The following SI variants were observed in gnomAD, a reference collection of about 807,000 sequenced individuals.
The protein encoded by SI is sucrase-isomaltase, also known as sucrase-isomaltase, intestinal.
Under a neutral mutation model 253.3 loss-of-function variants are expected in SI, and 235 were observed. The observed-to-expected ratio is 0.93, with a 90% CI of 0.83 to 1.03. The LOEUF (loss-of-function observed/expected upper bound fraction) is 1.03, where lower values mean the gene tolerates loss of function less well. Ranked by LOEUF, SI falls within the 50% of genes least tolerant of loss-of-function variation. The probability of loss-of-function intolerance (pLI) is 0.00; values close to 1 mark genes in which losing one functional copy is unlikely to be tolerated. For missense variants in SI, 2,442 were observed against 2,211.1 expected, an observed-to-expected ratio of 1.10 and a Z score of -2.09; for synonymous variants, 819 against 712.0, an observed-to-expected ratio of 1.15 and a Z score of -2.39.
chr3:165,076,311 A>G (rs995447523), intron 1 of SI, among the ~76,000 whole-genome samples: 9 of 151,876 alleles, frequency 5.9e-5, no homozygotes, highest in Middle Eastern at 3.4e-3. Flanking sequence ...ATACAGATGG[A>G]AAAAAAGATC....
Position 165,041,092 on chromosome 3 carries a change from A to C in SI, c.2007T>G (p.His669Gln). The C allele has an allele frequency of 6.2e-7, 1 of 1,612,366 alleles. No homozygotes were observed. The highest frequency in any genetic ancestry group is 8.5e-7 in the Non-Finnish European group (1 of 1,178,870). ...SRNHNSDGYE[H>Q]QDPAFFGQNS... is the part of the protein sequence containing the mutation. ...TCTGCCCAAAAAATGCAGGATCCTG[A>C]TGCTGTGAGATAGAAAGAGAAATTA... Residue 669 changes from histidine (H) to glutamine (Q), a missense_variant and splice_region_variant, in exon 18 of 48, where the codon CAT (histidine) becomes CAG (glutamine). Coordinates refer to ENST00000264382, the MANE Select transcript of SI (RefSeq NM_001041.4).
At chr3:165,042,040 C>T (rs2108220743) in intron 17 of SI, among the ~76,000 whole-genome samples, 1 of 152,170 alleles carries the variant, frequency 6.6e-6, no homozygotes, top group East Asian at 1.9e-4. Context: ...CAAGTTCAGA[C>T]CTGAACGGTG....
At chr3:165,082,489 G>A (rs1300329340), upstream of SI, among the ~76,000 whole-genome samples, 3 of 151,944 alleles carry the variant, frequency 2.0e-5, no homozygotes, top group Admixed American at 6.6e-5. Flanking sequence ...CCTGGAGGCG[G>A]AGAACCAAAT....
chr3:165,006,275 A>AT (rs1438042331), intron 37 of SI, among the ~76,000 whole-genome samples: 1 of 151,846 alleles, frequency 6.6e-6, no homozygotes, highest in African/African-American at 2.4e-5. Flanking sequence ...CTCCTGGCTA[A>AT]TTTTTTGTAT....
Position 165,049,926 on chromosome 3 carries a change from T to C in SI, c.1513-51A>G, listed in dbSNP as rs748254951. 1.6e-5 allele frequency: 18 copies of C among 1,130,100 alleles called. No homozygotes were observed. The South Asian group carries it at 2.2e-4, about 14-fold the overall frequency. 70.0% of individuals were successfully genotyped at this position (1,130,100 alleles called of 1,614,324 possible). On this transcript the variant is annotated intron_variant, in intron 13 of 47. Coordinates refer to ENST00000264382, the MANE Select transcript of SI (RefSeq NM_001041.4). Reference sequence around the variant, plus strand: ...GCAGATTTTACATAATTATAAATCCTATTAGCAGAAACTCTCTAGTTGTTT... The same window carrying C: ...GCAGATTTTACATAATTATAAATCCCATTAGCAGAAACTCTCTAGTTGTTT...
At chr3:164,999,386 T>C (rs1428458428) in intron 37 of SI, among the ~76,000 whole-genome samples, 1 of 151,790 alleles carries the variant, frequency 6.6e-6, no homozygotes, top group Non-Finnish European at 1.5e-5. Context: ...TCCCTTTCTT[T>C]TCCCTCTGCC....
chr3:165,068,878 T>C, intron 4 of SI, 47 bp from the exon 5 acceptor site: 2 of 1,210,132 alleles, frequency 1.7e-6, no homozygotes, highest in Admixed American at 1.7e-5. Context: ...ATTTATAATG[T>C]TAACAATTAT....
chr3:164,987,581 T>C (rs968312563), intron 44 of SI, among the ~76,000 whole-genome samples: 1 of 152,036 alleles, frequency 6.6e-6, no homozygotes, highest in Admixed American at 6.6e-5. Context: ...TGGTGGCAGA[T>C]ACCTGTAGTC....
intron 9 of SI, 53 bp from the exon 10 acceptor site, chr3:165,060,080 AT>A (rs1713913400): frequency 6.6e-7 from 1 of 1,510,516 alleles, no homozygotes; most frequent in African/African-American, 1.4e-5. Flanking sequence ...TATATTTAGC[AT>A]TAATAACCAA....
At chr3:165,046,757 C>T (rs1713135401) in intron 16 of SI, 84 bp downstream of exon 16, 1 of 1,164,718 alleles carries the variant, frequency 8.6e-7, no homozygotes, top group African/African-American at 1.6e-5. Flanking sequence ...GCCTTTTGAT[C>T]ATTTTACTAA....
chr3:164,998,594 G>A lies in SI; in HGVS notation c.4486C>T (p.His1496Tyr), dbSNP rs1375044185. 6.2e-7 allele frequency: 1 copy of A among 1,612,138 alleles called. No homozygotes were observed. Among genetic ancestry groups the A allele is most frequent in the Non-Finnish European group, 8.5e-7 (1 of 1,178,624 alleles). ...TYPTSGRWGG[H>Y]WLGDNYARWD... is the part of the protein sequence containing the mutation. ...CGTGCATAGTTGTCTCCAAGCCAGT[G>A]TCCTCCCCATCGTCCACTAGTAGGA... is the stretch of plus-strand genomic sequence containing the variant. Residue 1496 changes from histidine to tyrosine, a missense_variant, in exon 38 of 48, where the codon CAC (histidine) becomes TAC (tyrosine). Physicochemically the swap from His to Tyr is moderately conservative, Grantham distance 83. Coordinates refer to ENST00000264382, the MANE Select transcript of SI (RefSeq NM_001041.4).
intron 21 of SI, among the ~76,000 whole-genome samples, chr3:165,036,706 G>A (rs1052776242): frequency 4.6e-5 from 7 of 151,718 alleles, no homozygotes; most frequent in Admixed American, 1.3e-4. Context: ...AAGAATAAAT[G>A]TAATAAATGC....
chr3:165,033,143 T>C (rs1028865965), intron 23 of SI, among the ~76,000 whole-genome samples: 3 of 151,556 alleles, frequency 2.0e-5, no homozygotes, highest in Admixed American at 6.6e-5. Flanking sequence ...AAACCAATCA[T>C]AACATGTCAA....
chr3:164,983,715 G>A (rs1163102842), intron 45 of SI, among the ~76,000 whole-genome samples: 2 of 151,932 alleles, frequency 1.3e-5, no homozygotes, highest in Non-Finnish European at 2.9e-5. Context: ...TCAGCCTCCT[G>A]AGTGGCTGGA....
intron 3 of SI, among the ~76,000 whole-genome samples, chr3:165,073,852 G>T (rs1405852817): frequency 1.3e-5 from 2 of 152,030 alleles, no homozygotes; most frequent in Non-Finnish European, 2.9e-5. Flanking sequence ...AATGTGCATA[G>T]GTTATATGCA....
intron 37 of SI, among the ~76,000 whole-genome samples, chr3:164,999,148 CA>C: frequency 6.6e-6 from 1 of 151,822 alleles, no homozygotes; most frequent in African/African-American, 2.4e-5. Flanking sequence ...TTGAAGAGAG[CA>C]AAGTATTCTC....
chr3:165,084,173 T>C, the SI span, among the ~76,000 whole-genome samples: 2 of 152,074 alleles, frequency 1.3e-5, no homozygotes, highest in East Asian at 3.9e-4. Context: ...CCTTCCACCT[T>C]GTGAAGTCAC....
chr3:165,067,100 G>C (rs1260181690), intron 6 of SI, among the ~76,000 whole-genome samples: 2 of 151,896 alleles, frequency 1.3e-5, no homozygotes, highest in Non-Finnish European at 1.5e-5. Flanking sequence ...GGCTAGGGTT[G>C]CATTAGTGAA....
At position 165,049,057 on chromosome 3, in the gene SI, A is replaced by G. The variant is rs189217276; in HGVS notation, c.1715+70T>C. ...TTTGCTATTTCCTAATTATGAATAC[A>G]TTGATAAATTATCAAAAACATTTTT... On this transcript the variant is annotated intron_variant, in intron 15 of 47. Coordinates refer to ENST00000264382, the MANE Select transcript of SI (RefSeq NM_001041.4). 4.8e-4 allele frequency: 433 copies of G among 906,182 alleles called. 2 individuals carry two copies. In the East Asian group the frequency reaches 8.7e-3, roughly 18 times the overall value. The allele number at this position is 906,182 out of a possible 1,614,324, so 56.1% of individuals were successfully genotyped here.
Sources: allele counts gnomAD v4.1 joint callset (sites outside exome capture counted in the v4.1 genomes callset), GRCh38; gene constraint gnomAD v4.1.1; transcripts MANE v1.5; gene names NCBI Gene and HGNC (gene_info 2026-07-23, HGNC 2026-07-21).